The following GAREM1 variants were observed in gnomAD, a reference collection of about 807,000 sequenced individuals.
GAREM1 encodes the protein GRB2-associated and regulator of MAPK protein 1.
Under a neutral mutation model 71.3 loss-of-function variants are expected in GAREM1, and 26 were observed. The observed-to-expected ratio is 0.36, with a 90% confidence interval of 0.27 to 0.51. The LOEUF (loss-of-function observed/expected upper bound fraction) is 0.51, where lower values mean the gene tolerates loss of function less well. Ranked by LOEUF, GAREM1 falls within the 20% of genes least tolerant of loss-of-function variation. GAREM1 has a pLI of 0.95. For synonymous variants in GAREM1, 440 were observed against 433.2 expected, an observed-to-expected ratio of 1.02 and a Z score of -0.20; for missense variants, 1,026 against 1,103.1, an observed-to-expected ratio of 0.93 and a Z score of 0.99.
At position 32,461,244 on chromosome 18, in the gene GAREM1, G is replaced by A. The variant is rs754600414; in HGVS notation, c.121+9064C>T. Among the ~76,000 whole-genome samples, 3 of 151,986 alleles carry A rather than the reference G, an allele frequency of 2.0e-5. No individual in the cohort carries two copies. The East Asian group carries it at 5.8e-4, about 29-fold the overall frequency. ...TCATTCATTTATTAAATGCTTATTG[G>A]GTGCTTTCTACATGCCAGGCATTGT... On this transcript the variant is annotated intron_variant, in intron 1 of 5. Coordinates refer to ENST00000269209, the MANE Select transcript of GAREM1 (RefSeq NM_001242409.2).
intron 2 of GAREM1, among the ~76,000 whole-genome samples, chr18:32,369,368 C>G (rs938549022): frequency 1.3e-5 from 2 of 152,104 alleles, no homozygotes; most frequent in Admixed American, 6.5e-5. Flanking sequence ...ATCTGAAACT[C>G]TTTCCTTCTA....
rs79148468 is a variant in GAREM1 at position 32,265,084 on chromosome 18, C to G, written c.*2787G>C. The G allele has an allele frequency of 6.6e-6, 1 of 152,172 alleles. No individual in the cohort carries two copies. Among genetic ancestry groups the G allele is most frequent in the East Asian group, 1.9e-4 (1 of 5,192 alleles). The allele number at this position is 152,172 out of a possible 1,614,324, so 9.4% of individuals were successfully genotyped here. On this transcript the variant is annotated 3_prime_UTR_variant, in exon 6 of 6. Transcript: ENST00000269209. The stretch of plus-strand genomic sequence containing the variant: ...AAGGGAAGGGCTTTCTCCTTATTAT[C>G]CCTGCTTTGCATATCTTGTCATGAT...
chr18:32,453,257 A>G (rs1233125931), intron 1 of GAREM1, among the ~76,000 whole-genome samples: 1 of 152,142 alleles, frequency 6.6e-6, no homozygotes, highest in African/African-American at 2.4e-5. Context: ...CCAGGATTCA[A>G]TTATCTCCCA....
chr18:32,274,036 G>A (rs574618448), intron 4 of GAREM1, among the ~76,000 whole-genome samples: 1 of 152,284 alleles, frequency 6.6e-6, no homozygotes, highest in South Asian at 2.1e-4. Context: ...CCAGGCAGGT[G>A]AGGGGCAGCC....
chr18:32,438,948 T>C (rs2048708455), intron 1 of GAREM1, among the ~76,000 whole-genome samples: 1 of 152,052 alleles, frequency 6.6e-6, no homozygotes, highest in Admixed American at 6.6e-5. Flanking sequence ...CCCCCACACA[T>C]CCTCCCATGA....
chr18:32,360,408 T>G (rs2047854582), intron 2 of GAREM1, among the ~76,000 whole-genome samples: 1 of 152,116 alleles, frequency 6.6e-6, no homozygotes, highest in African/African-American at 2.4e-5. Context: ...CAGTTCTCAT[T>G]TAAGAGGAAA....
At chr18:32,439,846 CACAA>C (rs2144272000) in intron 1 of GAREM1, among the ~76,000 whole-genome samples, 1 of 152,216 alleles carries the variant, frequency 6.6e-6, no homozygotes, top group African/African-American at 2.4e-5. Context: ...AAAACAGTCA[CACAA>C]ACAAATGACC....
intron 2 of GAREM1, among the ~76,000 whole-genome samples, chr18:32,337,479 C>T (rs368330955): frequency 3.6e-4 from 55 of 152,246 alleles, no homozygotes; most frequent in Middle Eastern, 3.4e-3. Flanking sequence ...TAATTCTGTG[C>T]GCTATTACCC....
intron 1 of GAREM1, among the ~76,000 whole-genome samples, chr18:32,438,288 C>G (rs1399098338): frequency 6.6e-6 from 1 of 152,234 alleles, no homozygotes; most frequent in Non-Finnish European, 1.5e-5. Context: ...ATGCCAGCCA[C>G]CAGCCCTGTG....
chr18:32,463,087 C>CA (rs35362243), intron 1 of GAREM1, among the ~76,000 whole-genome samples: 9 of 148,132 alleles, frequency 6.1e-5, no homozygotes, highest in Non-Finnish European at 1.2e-4. Context: ...GTTCCCACTA[C>CA]AAAAAAAAAA....
At chr18:32,329,703 TAAAAAAAAAA>T (rs756082703) in intron 2 of GAREM1, among the ~76,000 whole-genome samples, 3 of 78,186 alleles carry the variant, frequency 3.8e-5, no homozygotes, top group Admixed American at 1.5e-4. Context: ...GAGACTCCAT[TAAAAAAAAAA>T]AAAAAAAAAA....
chr18:32,420,282 A>G (rs966197696), intron 1 of GAREM1, among the ~76,000 whole-genome samples: 5 of 152,064 alleles, frequency 3.3e-5, no homozygotes, highest in African/African-American at 9.7e-5. Context: ...AACCCTAGAC[A>G]GGAAGGGGAA....
chr18:32,308,444 A>T (rs972643758), intron 3 of GAREM1, among the ~76,000 whole-genome samples: 2 of 150,358 alleles, frequency 1.3e-5, no homozygotes, highest in African/African-American at 4.9e-5. Flanking sequence ...AAAATCACTT[A>T]AAAATTTACA....
chr18:32,307,206 TA>T (rs2047264556), intron 3 of GAREM1, among the ~76,000 whole-genome samples: 1 of 152,238 alleles, frequency 6.6e-6, no homozygotes, highest in South Asian at 2.1e-4. Flanking sequence ...TACATATGTA[TA>T]TTTATTTCTA....
intron 1 of GAREM1, among the ~76,000 whole-genome samples, chr18:32,401,905 C>T (rs115002227): frequency 3.1e-3 from 471 of 152,268 alleles, no homozygotes; most frequent in African/African-American, 0.011. Context: ...GTAGTAAACA[C>T]TCCAGCAAGA....
At chr18:32,381,076 C>A (rs982822906) in intron 2 of GAREM1, among the ~76,000 whole-genome samples, 13 of 151,788 alleles carry the variant, frequency 8.6e-5, no homozygotes, top group Admixed American at 2.0e-4. Context: ...ACTATCAAAT[C>A]TTTATGGTAT....
chr18:32,403,182 A>G (rs2048333187), intron 1 of GAREM1, among the ~76,000 whole-genome samples: 1 of 152,196 alleles, frequency 6.6e-6, no homozygotes, highest in Non-Finnish European at 1.5e-5. Context: ...CGCTGGGATT[A>G]CAGGAGTGAG....
chr18:32,388,127 C>T (rs550693675), intron 2 of GAREM1, among the ~76,000 whole-genome samples: 1 of 152,168 alleles, frequency 6.6e-6, no homozygotes, highest in South Asian at 2.1e-4. Flanking sequence ...GACACAGGTG[C>T]CAGCCTATAC....
chr18:32,407,308 C>T (rs947346378), intron 1 of GAREM1, among the ~76,000 whole-genome samples: 2 of 152,128 alleles, frequency 1.3e-5, no homozygotes, highest in Non-Finnish European at 2.9e-5. Context: ...GGCCAATGGT[C>T]CCTGTGTATG....
Sources: gnomAD v4.1 joint callset for allele counts (sites outside exome capture counted in the v4.1 genomes callset) on GRCh38, gnomAD v4.1.1 for gene constraint, MANE v1.5 for transcripts, NCBI Gene and HGNC (gene_info 2026-07-23, HGNC 2026-07-21) for gene names.